Variants in GRIN2B observed in about 807,000 individuals in gnomAD.
GRIN2B encodes glutamate ionotropic receptor NMDA type subunit 2B, also known as glutamate receptor ionotropic, NMDA 2B.
A neutral mutation model predicts 114.5 loss-of-function variants in GRIN2B; 5 were observed. The ratio of observed to expected loss-of-function variants is 0.04; its 90% CI spans 0.02 to 0.09. GRIN2B has a LOEUF of 0.09. GRIN2B is among the 10% of genes least tolerant of loss of function. The pLI is 1.00. For synonymous variants in GRIN2B, 787 were observed against 745.1 expected, an observed-to-expected ratio of 1.06 and a Z score of -0.92; for missense variants, 1,108 against 1,943.5, an observed-to-expected ratio of 0.57 and a Z score of 8.08.
At chr12:13,589,200 T>C (rs1284731776) in intron 10 of GRIN2B, among the ~76,000 whole-genome samples, 1 of 152,246 alleles carries the variant, frequency 6.6e-6, no homozygotes, top group Non-Finnish European at 1.5e-5. Flanking sequence ...ATTGTTGTTA[T>C]ATACTAGGTA....
At position 13,923,641 on chromosome 12, in the gene GRIN2B, G is replaced by A. The variant is rs571885684; in HGVS notation, c.-19+56287C>T. Reference sequence around the variant, plus strand: ...AGTGAATCAGGTTATCCAGGGTAAAGGGATGAATGTTCACAATACACTTGC... The same window carrying A: ...AGTGAATCAGGTTATCCAGGGTAAAAGGATGAATGTTCACAATACACTTGC... On this transcript the variant is annotated intron_variant, in intron 2 of 13. Transcript: ENST00000609686. Among the ~76,000 whole-genome samples, 115 of 152,272 alleles carry A rather than the reference G, an allele frequency of 7.6e-4. 1 individual carries two copies. Among genetic ancestry groups the A allele is most frequent in the African/African-American group, 2.6e-3 (110 of 41,550 alleles).
At chr12:13,752,547 T>C (rs1774283268) in intron 4 of GRIN2B, among the ~76,000 whole-genome samples, 1 of 152,192 alleles carries the variant, frequency 6.6e-6, no homozygotes, top group Non-Finnish European at 1.5e-5. Context: ...AGAAGTTTTA[T>C]ACAAATAATA....
chr12:13,544,744 T>C lies in GRIN2B; in HGVS notation c.*18039A>G, dbSNP rs944002776. 1 of 152,240 alleles carries C rather than the reference T, an allele frequency of 6.6e-6. No individual in the cohort carries two copies. Among genetic ancestry groups the C allele is most frequent in the African/African-American group, 2.4e-5 (1 of 41,454 alleles). The allele number at this position is 152,240 out of a possible 1,614,324, so 9.4% of individuals were successfully genotyped here. A position where few individuals can be genotyped will look rare whatever the true frequency, so the allele number is the denominator to read the frequency against. ...AGCAAACTGTGTGATATCGATTCTT[T>C]AAAACATTTCTGGAATCCAACTGCT... On this transcript the variant is annotated 3_prime_UTR_variant, in exon 14 of 14. Coordinates refer to ENST00000609686, the MANE Select transcript of GRIN2B (RefSeq NM_000834.5).
intron 2 of GRIN2B, among the ~76,000 whole-genome samples, chr12:13,961,554 G>C (rs149333419): frequency 6.6e-6 from 1 of 152,256 alleles, no homozygotes; most frequent in African/African-American, 2.4e-5. Context: ...ATGTAACAAA[G>C]TGCAAAAATG....
At position 13,552,137 on chromosome 12, in the gene GRIN2B, G is replaced by C. The variant is rs570597744; in HGVS notation, c.*10646C>G. On this transcript the variant is annotated 3_prime_UTR_variant, in exon 14 of 14. Transcript: ENST00000609686. The stretch of plus-strand genomic sequence containing the variant: ...AGGGGGACAGATGGAGTCACAGCCT[G>C]GTGGCCTAAATTCTGTGGGTAAGGG... 7.9e-5 allele frequency: 12 copies of C among 152,254 alleles called. No individual in the cohort carries two copies. The South Asian group carries it at 2.3e-3, about 29-fold the overall frequency. The allele number at this position is 152,254 out of a possible 1,614,324, so 9.4% of individuals were successfully genotyped here. A position where few individuals can be genotyped will look rare whatever the true frequency, so the allele number is the denominator to read the frequency against.
chr12:13,627,062 C>G (rs1949576042), intron 5 of GRIN2B, among the ~76,000 whole-genome samples: 1 of 151,904 alleles, frequency 6.6e-6, no homozygotes, highest in Admixed American at 6.6e-5. Context: ...GTGGCATAAG[C>G]TATAATATGT....
At chr12:13,660,282 G>A (rs78401099) in intron 5 of GRIN2B, among the ~76,000 whole-genome samples, 29 of 152,210 alleles carry the variant, frequency 1.9e-4, no homozygotes, top group African/African-American at 2.9e-4. Context: ...TCATCTTAGC[G>A]GCTGCCTACC....
intron 2 of GRIN2B, among the ~76,000 whole-genome samples, chr12:13,902,153 T>C (rs944246261): frequency 7.2e-5 from 11 of 152,180 alleles, no homozygotes; most frequent in Admixed American, 3.9e-4. Flanking sequence ...GTTAATGTAA[T>C]GTAAAATAAA....
intron 3 of GRIN2B, among the ~76,000 whole-genome samples, chr12:13,849,997 T>C (rs1020821793): frequency 4.6e-5 from 7 of 152,094 alleles, no homozygotes; most frequent in African/African-American, 1.4e-4. Context: ...CTGATTATCC[T>C]GGGAAAATAA....
At chr12:13,674,601 T>A (rs1206394539) in intron 5 of GRIN2B, among the ~76,000 whole-genome samples, 1 of 152,094 alleles carries the variant, frequency 6.6e-6, no homozygotes, top group East Asian at 1.9e-4. Flanking sequence ...CTGGCCTCAT[T>A]TTCTGGTAAC....
At chr12:13,728,055 G>A (rs1292828139) in intron 4 of GRIN2B, among the ~76,000 whole-genome samples, 2 of 152,168 alleles carry the variant, frequency 1.3e-5, no homozygotes, top group Non-Finnish European at 2.9e-5. Context: ...CTCCATTGTT[G>A]GAGATTGTGG....
At chr12:13,856,911 C>T (rs1045696215) in intron 3 of GRIN2B, among the ~76,000 whole-genome samples, 1 of 152,180 alleles carries the variant, frequency 6.6e-6, no homozygotes, top group African/African-American at 2.4e-5. Context: ...TAGACATTTC[C>T]ACCTATATGA....
At chr12:13,710,513 T>C (rs1950404553) in intron 4 of GRIN2B, among the ~76,000 whole-genome samples, 1 of 152,140 alleles carries the variant, frequency 6.6e-6, no homozygotes, top group African/African-American at 2.4e-5. Context: ...CTGAAGCTGA[T>C]AGGCAACTTC....
At chr12:13,636,937 ACT>A (rs1370372912) in intron 5 of GRIN2B, among the ~76,000 whole-genome samples, 1 of 152,174 alleles carries the variant, frequency 6.6e-6, no homozygotes, top group African/African-American at 2.4e-5. Flanking sequence ...AGTAAAGGAA[ACT>A]CTCAATAAAT....
At chr12:13,721,606 A>G (rs904860650) in intron 4 of GRIN2B, among the ~76,000 whole-genome samples, 5 of 151,998 alleles carry the variant, frequency 3.3e-5, no homozygotes, top group African/African-American at 1.2e-4. Flanking sequence ...AAAAAGGAAA[A>G]AAGTTACCAT....
rs1255161034 is a variant in GRIN2B, at chr12:13,563,606, C to T, written c.3632G>A (p.Gly1211Glu). The T allele has an allele frequency of 1.9e-6, 3 of 1,614,064 alleles. No individual in the cohort carries two copies. In the South Asian group the frequency reaches 3.3e-5, roughly 18 times the overall value. The change falls in exon 14 of 14, where the codon GGG (glycine) becomes GAG (glutamate). Residue 1211 changes from glycine to glutamate, a missense_variant. Physicochemically the swap from Gly to Glu is moderately conservative, Grantham distance 98 (BLOSUM62 -2). Coordinates refer to ENST00000609686, the MANE Select transcript of GRIN2B (RefSeq NM_000834.5). ...GGGACAGCTGCGGCAGAAGTTGCCCCCGGACCGGTCCTCCCACTCCACGTT... is the reference window on the plus strand; with the variant it reads ...GGGACAGCTGCGGCAGAAGTTGCCCTCGGACCGGTCCTCCCACTCCACGTT... Reference protein sequence around the residue: ...LTNVEWEDRSGGNFCRSCPSK... With the variant: ...LTNVEWEDRSEGNFCRSCPSK...
intron 5 of GRIN2B, among the ~76,000 whole-genome samples, chr12:13,673,299 CAAG>C (rs2136538293): frequency 6.6e-6 from 1 of 152,202 alleles, no homozygotes; most frequent in East Asian, 1.9e-4. Flanking sequence ...ATTCTCAGAA[CAAG>C]AAGAAGCCCA....
chr12:13,822,194 A>C (rs1864952334), intron 3 of GRIN2B, among the ~76,000 whole-genome samples: 2 of 152,200 alleles, frequency 1.3e-5, no homozygotes, highest in Non-Finnish European at 2.9e-5. Context: ...ACCTCTAGGA[A>C]AAAATGATGG....
At position 13,563,739 on chromosome 12, in the gene GRIN2B, C is replaced by T. The variant is rs1042339; in HGVS notation, c.3499G>A (p.Val1167Ile). 1.1e-5 allele frequency: 17 copies of T among 1,613,928 alleles called. No individual in the cohort carries two copies. Among genetic ancestry groups the T allele is most frequent in the African/African-American group, 5.3e-5 (4 of 75,060 alleles). The stretch of plus-strand genomic sequence containing the variant: ...TTGGTACAGGGCCCTCCTCCGCTGA[C>T]GGAGTCGCGCTTAAAGTCATCACTC... ...ERSDDFKRDS[V>I]SGGGPCTNRS... Residue 1167 changes from valine (V) to isoleucine (I), a missense_variant, in exon 14 of 14, where the codon GTC becomes ATC. Around this residue, in one of 19 missense-constraint regions of GRIN2B, gnomAD observed 478 missense variants for 506.0 expected, o/e 0.94. Coordinates refer to ENST00000609686, the MANE Select transcript of GRIN2B (RefSeq NM_000834.5).
Sources: gnomAD v4.1 joint callset for allele counts (sites outside exome capture counted in the v4.1 genomes callset) on GRCh38, gnomAD v4.1.1 for gene constraint, gnomAD v4.1.1 regional missense constraint, MANE v1.5 for transcripts, NCBI Gene and HGNC (gene_info 2026-07-23, HGNC 2026-07-21) for gene names.